Variants in SRGAP3 observed in about 807,000 individuals in gnomAD.
SRGAP3 encodes the protein SLIT-ROBO Rho GTPase-activating protein 3.
A neutral mutation model predicts 121.1 loss-of-function variants in SRGAP3; 39 were observed. That is an observed-to-expected ratio of 0.32 (90% confidence interval 0.25 to 0.42). SRGAP3 has a LOEUF of 0.42. SRGAP3 is among the 10% of genes least tolerant of loss of function. The probability of loss-of-function intolerance (pLI) is 1.00; values close to 1 mark genes in which losing one functional copy is unlikely to be tolerated. For missense variants in SRGAP3, 1,213 were observed against 1,470.6 expected (o/e 0.82, Z 2.86); for synonymous variants, 601 against 570.0 (o/e 1.05, Z -0.77).
intron 1 of SRGAP3, among the ~76,000 whole-genome samples, chr3:9,132,681 G>A (rs904378228): frequency 1.4e-4 from 22 of 152,244 alleles, no homozygotes; most frequent in Non-Finnish European, 3.1e-4. Context: ...CATGTTGGTT[G>A]CTAATTATGA....
At chr3:9,051,038 T>A (rs1202122414) in intron 9 of SRGAP3, among the ~76,000 whole-genome samples, 8 of 131,042 alleles carry the variant, frequency 6.1e-5, no homozygotes, top group African/African-American at 2.3e-4. Context: ...TTTTTTTTTT[T>A]TTTTTTTTGA....
chr3:9,354,001 G>T (rs1261877424), intron 1 of SRGAP3, among the ~76,000 whole-genome samples: 2 of 152,190 alleles, frequency 1.3e-5, no homozygotes, highest in Non-Finnish European at 2.9e-5. Context: ...GGGGGATCAA[G>T]AGATGCTGTG....
intron 3 of SRGAP3, among the ~76,000 whole-genome samples, chr3:9,085,475 GA>G (rs34800367): frequency 1 from 152,331 of 152,336 alleles, 76,163 homozygotes; most frequent in Middle Eastern, 1. Context: ...ATACCCAAAG[GA>G]AATATAAATT....
intron 18 of SRGAP3, among the ~76,000 whole-genome samples, chr3:8,997,048 C>A (rs1942449117): frequency 6.6e-6 from 1 of 152,172 alleles, no homozygotes; most frequent in Non-Finnish European, 1.5e-5. Context: ...GAACCTCCAG[C>A]TCAGAGAAAG....
intron 1 of SRGAP3, among the ~76,000 whole-genome samples, chr3:9,205,926 C>T (rs1412779296): frequency 1.3e-5 from 2 of 152,052 alleles, no homozygotes; most frequent in Non-Finnish European, 2.9e-5. Context: ...CTAGAGTAGT[C>T]AGATTCACAA....
Position 9,047,434 on chromosome 3 carries a change from C to A in SRGAP3, c.1365G>T (p.Lys455Asn), listed in dbSNP as rs1444284325. The change falls in exon 10 of 22, where the codon AAG becomes AAT. Residue 455 changes from lysine to asparagine, a missense_variant. Physicochemically the swap from Lys to Asn is moderately conservative, Grantham distance 94. Coordinates refer to ENST00000383836, the MANE Select transcript of SRGAP3 (RefSeq NM_014850.4). The stretch of plus-strand genomic sequence containing the variant: ...TGAGTAAATCGTGCTTGGCCTGCAG[C>A]TTGGTGATGAGGTTACTGCCATTCA... ...EYVNGSNLIT[K>N]LQAKHDLLKQ... is the part of the protein sequence containing the mutation. 1 of 1,614,182 alleles carries A rather than the reference C, an allele frequency of 6.2e-7. No homozygotes were observed. Among genetic ancestry groups the A allele is most frequent in the Non-Finnish European group, 8.5e-7 (1 of 1,180,038 alleles).
Position 8,983,686 on chromosome 3 carries a change from C to A in SRGAP3, c.*1833G>T. On this transcript the variant is annotated 3_prime_UTR_variant, in exon 22 of 22. Transcript: ENST00000383836. ...TGGAGGGCTCTGATCTAAGACTTAC[C>A]TTACTAATGATAATCACAAACGCAT... 1 of 231,256 alleles carries A rather than the reference C, an allele frequency of 4.3e-6. No individual in the cohort carries two copies. The highest frequency in any genetic ancestry group is 8.6e-6 in the Non-Finnish European group (1 of 116,866). 14.3% of individuals were successfully genotyped at this position (231,256 alleles called of 1,614,324 possible).
intron 14 of SRGAP3, among the ~76,000 whole-genome samples, chr3:9,023,105 A>C (rs1206392843): frequency 1.3e-5 from 2 of 152,198 alleles, no homozygotes; most frequent in Admixed American, 1.3e-4. Flanking sequence ...ATGGAGAGGC[A>C]GGGAAATGCC....
At chr3:9,227,543 C>CA (rs1433920480) in intron 1 of SRGAP3, among the ~76,000 whole-genome samples, 1 of 152,210 alleles carries the variant, frequency 6.6e-6, no homozygotes, top group Non-Finnish European at 1.5e-5. Context: ...TAGTAAGTGA[C>CA]AATGTTGGGA....
At chr3:9,088,121 TC>T (rs1474423868) in intron 3 of SRGAP3, among the ~76,000 whole-genome samples, 3 of 152,202 alleles carry the variant, frequency 2.0e-5, no homozygotes. Flanking sequence ...CCCTGTGATC[TC>T]CAGCGACACC....
At chr3:8,993,610 C>T (rs557403675) in intron 19 of SRGAP3, among the ~76,000 whole-genome samples, 44 of 152,174 alleles carry the variant, frequency 2.9e-4, no homozygotes, top group Non-Finnish European at 4.6e-4. Flanking sequence ...CTGGGGACTT[C>T]GGGAGGCTGC....
chr3:9,328,792 A>G (rs1162630929), intron 2 of SRGAP3, among the ~76,000 whole-genome samples: 1 of 152,248 alleles, frequency 6.6e-6, no homozygotes, highest in African/African-American at 2.4e-5. Flanking sequence ...AGCGTGGGGT[A>G]GTCTCCACTG....
chr3:8,985,439 G>A lies in SRGAP3; in HGVS notation c.*80C>T, dbSNP rs1390873135. The A allele has an allele frequency of 1.3e-6, 2 of 1,580,854 alleles. No homozygotes were observed. Among genetic ancestry groups the A allele is most frequent in the Non-Finnish European group, 1.7e-6 (2 of 1,170,892 alleles). On this transcript the variant is annotated 3_prime_UTR_variant, in exon 22 of 22. Transcript: ENST00000383836. The surrounding 1 kb of genome is among the most constrained non-coding windows in gnomAD (Gnocchi z 5.1). ...TGCCCTCCAAGGCCAGGGTCACTGG[G>A]AAGCACGTGGAAGCCACCAAGGCCA...
intron 1 of SRGAP3, among the ~76,000 whole-genome samples, chr3:9,125,705 C>G (rs1381460664): frequency 6.6e-6 from 1 of 152,248 alleles, no homozygotes; most frequent in Non-Finnish European, 1.5e-5. Flanking sequence ...TTCTTGTCTT[C>G]AAGCCTGTAG....
At chr3:9,219,730 A>C (rs1337072303) in intron 1 of SRGAP3, among the ~76,000 whole-genome samples, 2 of 152,178 alleles carry the variant, frequency 1.3e-5, no homozygotes, top group African/African-American at 4.8e-5. Flanking sequence ...GGGCACCTGT[A>C]GTCCCAGCTA....
intron 4 of SRGAP3, among the ~76,000 whole-genome samples, chr3:9,075,390 T>TGTGTGTGCGC (rs1454621766): frequency 1.3e-4 from 20 of 148,486 alleles, no homozygotes; most frequent in African/African-American, 5.0e-4. Flanking sequence ...TGTGTGTGTG[T>TGTGTGTGCGC]GCGCGCGCAC....
rs539496483 is a variant in SRGAP3 at position 9,197,305 on chromosome 3, G to A, written c.67+51580C>T. ...GACATGCCTGTCAAAGAGGTGGCCCGTTTTCCAAACTAAAATCTACAAGCA... is the reference window on the plus strand; with the variant it reads ...GACATGCCTGTCAAAGAGGTGGCCCATTTTCCAAACTAAAATCTACAAGCA... On this transcript the variant is annotated intron_variant, in intron 1 of 21. Coordinates refer to ENST00000383836, the MANE Select transcript of SRGAP3 (RefSeq NM_014850.4). 1.1e-3 allele frequency among the ~76,000 whole-genome samples: 174 copies of A among 152,318 alleles called. 1 individual carries two copies. Among genetic ancestry groups the A allele is most frequent in the Non-Finnish European group, 9.0e-4 (61 of 68,034 alleles).
At chr3:9,287,376 A>G (rs1400955740) in intron 3 of SRGAP3, among the ~76,000 whole-genome samples, 1 of 152,190 alleles carries the variant, frequency 6.6e-6, no homozygotes, top group Non-Finnish European at 1.5e-5. Flanking sequence ...TTTCCCTTGG[A>G]AAGAGTCTAC....
chr3:9,038,223 T>C, intron 10 of SRGAP3, 133 bp from the exon 11 acceptor site: 1 of 1,237,512 alleles, frequency 8.1e-7, no homozygotes, highest in Non-Finnish European at 1.1e-6. Context: ...ATGCCTAAGG[T>C]GCGGTCTGTT....
Sources: gnomAD v4.1 joint callset for allele counts (sites outside exome capture counted in the v4.1 genomes callset) on GRCh38, gnomAD v4.1.1 for gene constraint, Gnocchi (gnomAD v3.1) non-coding constraint, MANE v1.5 for transcripts, NCBI Gene and HGNC (gene_info 2026-07-23, HGNC 2026-07-21) for gene names.